The following CLUL1 variants were observed in gnomAD, a reference collection of about 807,000 sequenced individuals.
CLUL1 encodes the protein clusterin like 1, also known as clusterin-like protein 1.
Under a neutral mutation model 49.4 loss-of-function variants are expected in CLUL1, and 43 were observed. That is an observed-to-expected ratio of 0.87 (90% CI 0.68 to 1.12). The LOEUF (loss-of-function observed/expected upper bound fraction) is 1.12, where lower values mean the gene tolerates loss of function less well. Ranked by LOEUF, CLUL1 falls within the 50% of genes most tolerant of loss-of-function variation. CLUL1 has a pLI of 0.00. For missense variants in CLUL1, 486 were observed against 544.4 expected (o/e 0.89, Z 1.07); for synonymous variants, 192 against 184.9 (o/e 1.04, Z -0.31).
chr18:613,524 A>G (rs1009381428), intron 2 of CLUL1, among the ~76,000 whole-genome samples: 3 of 149,498 alleles, frequency 2.0e-5, no homozygotes, highest in Non-Finnish European at 4.4e-5. Context: ...ACGCTATCTC[A>G]GCTCACAGAA....
chr18:602,879 A>G (rs965598695), intron 1 of CLUL1, among the ~76,000 whole-genome samples: 4 of 152,176 alleles, frequency 2.6e-5, no homozygotes, highest in Non-Finnish European at 5.9e-5. Flanking sequence ...GGACATCTGG[A>G]AGCTAGAGGT....
intron 9 of CLUL1, among the ~76,000 whole-genome samples, chr18:649,439 G>C (rs980932231): frequency 5.3e-5 from 8 of 152,090 alleles, no homozygotes; most frequent in Non-Finnish European, 1.0e-4. Flanking sequence ...ATAGCTGCCG[G>C]CCCTGGGATC....
At chr18:598,163 G>A (rs1365567043) in intron 1 of CLUL1, 9 of 164,496 alleles carry the variant, frequency 5.5e-5, no homozygotes, top group Non-Finnish European at 9.1e-5. Flanking sequence ...CTAAAAATAT[G>A]CAGCAGCACA....
intron 7 of CLUL1, 91 bp downstream of exon 7, chr18:633,526 C>T (rs192608055): frequency 3.5e-6 from 4 of 1,141,606 alleles, no homozygotes; most frequent in African/African-American, 1.6e-5. Context: ...AAATAGCACT[C>T]GAATATAAAA....
chr18:633,584 C>T lies in CLUL1; in HGVS notation c.994+149C>T, dbSNP rs146067369. 600 of 717,010 alleles carry T rather than the reference C, an allele frequency of 8.4e-4. 9 individuals carry two copies. The East Asian group carries it at 0.017, about 20-fold the overall frequency. The allele number at this position is 717,010 out of a possible 1,614,324, so 44.4% of individuals were successfully genotyped here. On this transcript the variant is annotated intron_variant, in intron 7 of 9. Transcript: ENST00000692774. ...GGAAAGTTACTTCTATAGAAGGGTG[C>T]GCCCTTACAGATGGAGCAATGGTGA...
At chr18:648,920 A>G (rs2074595400) in intron 9 of CLUL1, among the ~76,000 whole-genome samples, 1 of 152,220 alleles carries the variant, frequency 6.6e-6, no homozygotes, top group Admixed American at 6.5e-5. Context: ...AGCCTCCCCA[A>G]GGGCTGGTAT....
chr18:626,736 C>T (rs1354029970), intron 5 of CLUL1, among the ~76,000 whole-genome samples: 2 of 149,974 alleles, frequency 1.3e-5, no homozygotes, highest in Non-Finnish European at 3.0e-5. Context: ...CGGTGTGCAA[C>T]TGTAATCCCA....
Position 639,934 on chromosome 18 carries a change from T to A in CLUL1, c.995-1393T>A, listed in dbSNP as rs943631804. 2.6e-5 allele frequency among the ~76,000 whole-genome samples: 4 copies of A among 152,122 alleles called. No homozygotes were observed. In the East Asian group the frequency reaches 7.7e-4, roughly 29 times the overall value. Reference sequence around the variant, plus strand: ...TGCTTACAGTCAAGCAGAGACAGAATGCTGAAAGGTTATGAAATTAGATAT... The same window carrying A: ...TGCTTACAGTCAAGCAGAGACAGAAAGCTGAAAGGTTATGAAATTAGATAT... On this transcript the variant is annotated intron_variant, in intron 7 of 9. Transcript: ENST00000692774.
chr18:609,811 G>A (rs976137922), intron 2 of CLUL1, among the ~76,000 whole-genome samples: 6 of 127,856 alleles, frequency 4.7e-5, no homozygotes, highest in African/African-American at 1.2e-4. Context: ...GTGACAAAGC[G>A]AGACTCTGTC....
In CLUL1 at chr18:641,424, C is replaced by A; in HGVS notation, c.1092C>A (p.Thr364=). 1 of 1,614,162 alleles carries A rather than the reference C, an allele frequency of 6.2e-7. No individual in the cohort carries two copies. The highest frequency in any genetic ancestry group is 8.5e-7 in the Non-Finnish European group (1 of 1,180,022). Residue 364 remains threonine (T), a synonymous_variant, in exon 8 of 10, where the codon ACC becomes ACA. Coordinates refer to ENST00000692774, the MANE Select transcript of CLUL1 (RefSeq NM_001393344.1). ...NQQYGQILQM[T]RKHLEDTAYL... Reference sequence around the variant, plus strand: ...AGTATGGCCAGATTCTCCAGATGACCCGGAAGCACTTGGAGGACACCGCCT... The same window carrying A: ...AGTATGGCCAGATTCTCCAGATGACACGGAAGCACTTGGAGGACACCGCCT...
At chr18:612,191 T>G (rs2073155375) in intron 2 of CLUL1, among the ~76,000 whole-genome samples, 1 of 152,214 alleles carries the variant, frequency 6.6e-6, no homozygotes. Flanking sequence ...TTAAAACCAG[T>G]GCATTATTGT....
intron 7 of CLUL1, among the ~76,000 whole-genome samples, chr18:637,727 C>A (rs1378038904): frequency 6.6e-6 from 1 of 152,128 alleles, no homozygotes; most frequent in Non-Finnish European, 1.5e-5. Context: ...GTAATCCCAG[C>A]ACTCTGGAAG....
intron 2 of CLUL1, among the ~76,000 whole-genome samples, chr18:614,342 A>AGGAC (rs374462917): frequency 1.7e-4 from 26 of 150,608 alleles, no homozygotes; most frequent in African/African-American, 5.6e-4. Context: ...GAGGGAAGGA[A>AGGAC]GGAAGGAAAG....
At position 597,048 on chromosome 18, in the gene CLUL1, A is replaced by AC. The variant is rs1324711160; in HGVS notation, c.-214dup. On this transcript the variant is annotated 5_prime_UTR_variant, in exon 1 of 10. Coordinates refer to ENST00000692774, the MANE Select transcript of CLUL1 (RefSeq NM_001393344.1). ...GGTTTCCACCCTGGAGGTTGCTGAC[A>AC]CCCTGTGCCCTCGGCTGACTTCCAG... is the stretch of plus-strand genomic sequence containing the variant. 6.6e-6 allele frequency: 1 copy of AC among 152,276 alleles called. No homozygotes were observed. The highest frequency in any genetic ancestry group is 2.4e-5 in the African/African-American group (1 of 41,366). The allele number at this position is 152,276 out of a possible 1,614,324, so 9.4% of individuals were successfully genotyped here.
In CLUL1 at chr18:607,090, G is replaced by C; in HGVS notation, c.-23G>C. 1 of 701,850 alleles carries C rather than the reference G, an allele frequency of 1.4e-6. No individual in the cohort carries two copies. Among genetic ancestry groups the C allele is most frequent in the Non-Finnish European group, 2.6e-6 (1 of 384,684 alleles). 43.5% of individuals were successfully genotyped at this position (701,850 alleles called of 1,614,324 possible). On this transcript the variant is annotated 5_prime_UTR_variant, in exon 2 of 10. Transcript: ENST00000692774. Reference sequence around the variant, plus strand: ...TCCTACCTCAGCCCCATGAGGACCTGGGACTACAGGTATGCACCGCTATAC... The same window carrying C: ...TCCTACCTCAGCCCCATGAGGACCTCGGACTACAGGTATGCACCGCTATAC...
chr18:621,610 A>C (rs1036642853), intron 4 of CLUL1, among the ~76,000 whole-genome samples: 1 of 152,212 alleles, frequency 6.6e-6, no homozygotes, highest in Non-Finnish European at 1.5e-5. Flanking sequence ...TAGAGACACT[A>C]GATAGCACTC....
intron 6 of CLUL1, among the ~76,000 whole-genome samples, chr18:629,381 C>A (rs189330230): frequency 6.6e-6 from 1 of 152,182 alleles, no homozygotes; most frequent in African/African-American, 2.4e-5. Flanking sequence ...TTCATTAGAA[C>A]AAAAGGGCTC....
intron 6 of CLUL1, among the ~76,000 whole-genome samples, chr18:628,121 A>G (rs958289985): frequency 6.6e-6 from 1 of 152,170 alleles, no homozygotes; most frequent in South Asian, 2.1e-4. Context: ...GCCACCATGC[A>G]TGGCCATTTC....
At chr18:632,352 GTGTA>G (rs983181473) in intron 6 of CLUL1, among the ~76,000 whole-genome samples, 23 of 151,582 alleles carry the variant, frequency 1.5e-4, no homozygotes, top group Admixed American at 5.3e-4. Context: ...GTGTGTGTGT[GTGTA>G]TATATACATA....
Sources: allele counts gnomAD v4.1 joint callset (sites outside exome capture counted in the v4.1 genomes callset), GRCh38; gene constraint gnomAD v4.1.1; transcripts MANE v1.5; gene names NCBI Gene and HGNC (gene_info 2026-07-23, HGNC 2026-07-21).